KDM2B: variants seen among roughly 807,000 people sequenced by gnomAD.
The protein encoded by KDM2B is lysine demethylase 2B, also known as lysine-specific demethylase 2B.
Under a neutral mutation model 150.0 loss-of-function variants are expected in KDM2B, and 26 were observed. The observed-to-expected ratio is 0.17, with a 90% CI of 0.13 to 0.24. The LOEUF (loss-of-function observed/expected upper bound fraction) is 0.24. KDM2B is among the 10% of genes least tolerant of loss of function. KDM2B has a pLI of 1.00. For synonymous variants in KDM2B, 734 were observed against 729.5 expected (o/e 1.01, Z -0.10); for missense variants, 1,265 against 1,816.9 (o/e 0.70, Z 5.52).
chr12:121,411,561 C>T, the KDM2B span, among the ~76,000 whole-genome samples: 1 of 152,156 alleles, frequency 6.6e-6, no homozygotes, highest in Non-Finnish European at 1.5e-5. Flanking sequence ...TCTGACAGTG[C>T]TGCTTTTAAA....
chr12:121,443,734 T>C lies in KDM2B; in HGVS notation c.2511A>G (p.Leu837=). The C allele has an allele frequency of 1.9e-6, 3 of 1,611,530 alleles. No homozygotes were observed. Among genetic ancestry groups the C allele is most frequent in the Non-Finnish European group, 2.5e-6 (3 of 1,179,680 alleles). Residue 837 remains leucine, a synonymous_variant, in exon 17 of 23, where the codon CTA becomes CTG. Transcript: ENST00000377071. ...SSSHLSPRPP[L]GSSLSPWWRS... ...TCCACCAGGGGCTGAGGCTGCTGCC[T>C]AGAGGGGGCCTCGGCGAGAGGTGAG...
At chr12:121,412,875 G>A in the KDM2B span, among the ~76,000 whole-genome samples, 1 of 147,542 alleles carries the variant, frequency 6.8e-6, no homozygotes. Context: ...CAGGTGCCTG[G>A]GCCAGCTATT....
chr12:121,573,184 C>T (rs1891244566), intron 4 of KDM2B, among the ~76,000 whole-genome samples: 2 of 149,572 alleles, frequency 1.3e-5, no homozygotes, highest in Non-Finnish European at 3.0e-5. Context: ...GTCTCAAACT[C>T]CTGGCCTCAA....
At chr12:121,564,084 C>T (rs977128187) in intron 4 of KDM2B, among the ~76,000 whole-genome samples, 2 of 151,820 alleles carry the variant, frequency 1.3e-5, no homozygotes, top group Non-Finnish European at 2.9e-5. Context: ...AACTGGACTC[C>T]AGCCTCAGCA....
At chr12:121,499,857 G>A (rs1444248274) in intron 11 of KDM2B, among the ~76,000 whole-genome samples, 4 of 151,988 alleles carry the variant, frequency 2.6e-5, no homozygotes, top group African/African-American at 9.7e-5. Context: ...GACTGAGGCA[G>A]GAGAATCACT....
At chr12:121,547,682 C>A (rs1889172909) in intron 6 of KDM2B, among the ~76,000 whole-genome samples, 1 of 138,794 alleles carries the variant, frequency 7.2e-6, no homozygotes, top group Non-Finnish European at 1.5e-5. Flanking sequence ...CAGAGTCTCG[C>A]TCTGTCGCCC....
At chr12:121,546,531 C>T (rs78844444) in intron 6 of KDM2B, among the ~76,000 whole-genome samples, 1 of 151,272 alleles carries the variant, frequency 6.6e-6, no homozygotes, top group Non-Finnish European at 1.5e-5. Flanking sequence ...TACAGGCGCC[C>T]GCCACCATGC....
At chr12:121,465,898 G>T (rs782772884) in intron 12 of KDM2B, among the ~76,000 whole-genome samples, 10 of 152,166 alleles carry the variant, frequency 6.6e-5, no homozygotes, top group Non-Finnish European at 1.2e-4. Context: ...CCATTCACAC[G>T]TAGGGCTACT....
intron 1 of KDM2B, chr12:121,579,958 AAAG>A: frequency 2.7e-6 from 4 of 1,483,790 alleles, no homozygotes; most frequent in Non-Finnish European, 2.7e-6. Flanking sequence ...AAAAAAAAAA[AAAG>A]ATCTATCATA....
At chr12:121,542,379 A>G (rs1446411884) in intron 6 of KDM2B, among the ~76,000 whole-genome samples, 1 of 152,192 alleles carries the variant, frequency 6.6e-6, no homozygotes, top group Non-Finnish European at 1.5e-5. Flanking sequence ...TCCTGGGCTC[A>G]AGCACTCCAC....
At chr12:121,516,629 A>G in intron 9 of KDM2B, 1 of 873,096 alleles carries the variant, frequency 1.1e-6, no homozygotes, top group South Asian at 1.8e-5. Context: ...AGGCAGTCAC[A>G]AGGCATGCAA....
In KDM2B at chr12:121,442,747, G is replaced by A. The variant is rs782135320; in HGVS notation, c.2694C>T (p.Pro898=). 5.1e-6 allele frequency: 8 copies of A among 1,555,884 alleles called. No homozygotes were observed. Among genetic ancestry groups the A allele is most frequent in the South Asian group, 2.5e-5 (2 of 81,410 alleles). Residue 898 remains proline (P), a synonymous_variant, in exon 19 of 23, where the codon CCC becomes CCT. Coordinates refer to ENST00000377071, the MANE Select transcript of KDM2B (RefSeq NM_032590.5). This position sits in a 1 kb window ranked among gnomAD's most constrained non-coding sequence, Gnocchi z 7.7. The part of the protein sequence containing the change: ...RFKQEPEDEL[P]EAPPKTRESD... ...TCTCCCTGGTCTTGGGGGGCGCCTC[G>A]GGCAGTTCGTCCTCGGGTTCCTGCT...
At chr12:121,514,177 C>T (rs573118529) in intron 9 of KDM2B, among the ~76,000 whole-genome samples, 1 of 152,244 alleles carries the variant, frequency 6.6e-6, no homozygotes, top group South Asian at 2.1e-4. Context: ...TGCAGTGGCA[C>T]GATCATAGCT....
rs1183856403 is a variant in KDM2B, at chr12:121,575,078, G to A, written c.351-485C>T. ...ACTAGTTCCAGGGATGTGGTAATAT[G>A]GGCTACAATTCACTATTAATTAACA... On this transcript the variant is annotated intron_variant, in intron 3 of 22. Transcript: ENST00000377071. The surrounding 1 kb of genome is among the most constrained non-coding windows in gnomAD (Gnocchi z 4.4). Among the ~76,000 whole-genome samples, 2 of 152,220 alleles carry A rather than the reference G, an allele frequency of 1.3e-5. No individual in the cohort carries two copies. Among genetic ancestry groups the A allele is most frequent in the Admixed American group, 1.3e-4 (2 of 15,286 alleles).
intron 12 of KDM2B, among the ~76,000 whole-genome samples, chr12:121,486,151 C>A (rs1376344623): frequency 2.0e-5 from 3 of 150,730 alleles, no homozygotes; most frequent in Non-Finnish European, 4.4e-5. Context: ...GCTCCTTTGC[C>A]AGGCTGGAGT....
chr12:121,427,802 G>A (rs1555284452), downstream of KDM2B, among the ~76,000 whole-genome samples: 1 of 152,142 alleles, frequency 6.6e-6, no homozygotes, highest in African/African-American at 2.4e-5. Flanking sequence ...CTAACCCTGA[G>A]CCCTACTTCC....
chr12:121,526,383 G>A (rs1173024702), intron 8 of KDM2B, among the ~76,000 whole-genome samples: 2 of 151,994 alleles, frequency 1.3e-5, no homozygotes, highest in Non-Finnish European at 2.9e-5. Flanking sequence ...TTTGTTAAAT[G>A]AGCAAATAGT....
At chr12:121,449,045 G>A (rs781933920) in intron 13 of KDM2B, among the ~76,000 whole-genome samples, 25 of 152,128 alleles carry the variant, frequency 1.6e-4, no homozygotes, top group African/African-American at 3.4e-4. Flanking sequence ...AGACTGCAGC[G>A]GGGGGCACAG....
Position 121,533,078 on chromosome 12 carries a change from G to T in KDM2B, c.778-119C>A, listed in dbSNP as rs956779578. ...AGACAAGCTGTGTGTGGGGTGGGGG[G>T]TGTGGAGAGATGGCAGATCCATCCC... On this transcript the variant is annotated intron_variant, in intron 7 of 22. Coordinates refer to ENST00000377071, the MANE Select transcript of KDM2B (RefSeq NM_032590.5). This position sits in a 1 kb window ranked among gnomAD's most constrained non-coding sequence, Gnocchi z 4.1. 5.1e-6 allele frequency: 5 copies of T among 971,642 alleles called. No homozygotes were observed. The highest frequency in any genetic ancestry group is 3.1e-5 in the South Asian group (2 of 64,264). 60.2% of individuals were successfully genotyped at this position (971,642 alleles called of 1,614,324 possible).
Sources: allele counts gnomAD v4.1 joint callset (sites outside exome capture counted in the v4.1 genomes callset), GRCh38; gene constraint gnomAD v4.1.1; non-coding constraint Gnocchi (gnomAD v3.1); transcripts MANE v1.5; gene names NCBI Gene and HGNC (gene_info 2026-07-23, HGNC 2026-07-21).